Variants in SPOCK1 observed in about 807,000 individuals in gnomAD.
SPOCK1 encodes testican-1.
In SPOCK1, 23 loss-of-function variants were observed where a neutral mutation model predicts 55.3. The observed-to-expected ratio is 0.42, with a 90% CI of 0.30 to 0.59. SPOCK1 has a LOEUF of 0.59. SPOCK1 is among the 20% of genes least tolerant of loss of function. The probability of loss-of-function intolerance (pLI) is 0.22; values close to 1 mark genes in which losing one functional copy is unlikely to be tolerated. For missense variants in SPOCK1, 499 were observed against 552.5 expected, an observed-to-expected ratio of 0.90 and a Z score of 0.97; for synonymous variants, 226 against 221.0, an observed-to-expected ratio of 1.02 and a Z score of -0.20.
chr5:137,302,699 T>C (rs1410846609), intron 2 of SPOCK1, among the ~76,000 whole-genome samples: 1 of 152,158 alleles, frequency 6.6e-6, no homozygotes, highest in African/African-American at 2.4e-5. Context: ...TATATACACA[T>C]ACATATACGT....
At chr5:137,259,743 TAC>T (rs1310706773) in intron 3 of SPOCK1, among the ~76,000 whole-genome samples, 4 of 148,842 alleles carry the variant, frequency 2.7e-5, no homozygotes, top group Non-Finnish European at 6.0e-5. Context: ...CTCAAATGTA[TAC>T]AATAAGCTTA....
At chr5:137,280,547 C>T (rs1757150497) in intron 2 of SPOCK1, among the ~76,000 whole-genome samples, 1 of 152,114 alleles carries the variant, frequency 6.6e-6, no homozygotes. Context: ...ATTTTAAGGA[C>T]CTAACATGAA....
At chr5:137,044,993 A>G (rs1359063548) in intron 6 of SPOCK1, among the ~76,000 whole-genome samples, 123 of 128,270 alleles carry the variant, frequency 9.6e-4, no homozygotes, top group African/African-American at 3.4e-3. Flanking sequence ...TTATGGCTGC[A>G]TAGTATTCCA....
chr5:137,001,334 GT>G (rs1442539462), intron 6 of SPOCK1, among the ~76,000 whole-genome samples: 2 of 152,196 alleles, frequency 1.3e-5, no homozygotes, highest in African/African-American at 2.4e-5. Context: ...AGGAATCAAG[GT>G]CATGCATGTG....
At chr5:137,436,182 T>G (rs1006016450) in intron 2 of SPOCK1, among the ~76,000 whole-genome samples, 1 of 152,194 alleles carries the variant, frequency 6.6e-6, no homozygotes, top group Non-Finnish European at 1.5e-5. Flanking sequence ...ATATTAATTC[T>G]GTATGGAGAA....
At chr5:137,406,407 G>T (rs1420407037) in intron 2 of SPOCK1, among the ~76,000 whole-genome samples, 1 of 152,230 alleles carries the variant, frequency 6.6e-6, no homozygotes, top group Admixed American at 6.5e-5. Context: ...GGCAACCAAT[G>T]GGCCTGGGGG....
intron 5 of SPOCK1, among the ~76,000 whole-genome samples, chr5:137,095,088 C>T (rs1753119244): frequency 6.6e-6 from 1 of 152,158 alleles, no homozygotes; most frequent in Non-Finnish European, 1.5e-5. Flanking sequence ...GCAGTCAGAA[C>T]ACATACCAGA....
chr5:137,367,467 G>A (rs1751098319), intron 2 of SPOCK1, among the ~76,000 whole-genome samples: 1 of 152,214 alleles, frequency 6.6e-6, no homozygotes, highest in South Asian at 2.1e-4. Flanking sequence ...AGGCACCTGG[G>A]GGACACTTTC....
At position 137,267,305 on chromosome 5, in the gene SPOCK1, C is replaced by T. The variant is rs112534663; in HGVS notation, c.187-250G>A. ...ACATTTCAGCCCAGTATAGAAACAG[C>T]GCTGCTCTTCTTAGTTTGACATATA... On this transcript the variant is annotated intron_variant, in intron 2 of 10. Transcript: ENST00000394945. 1.3e-3 allele frequency among the ~76,000 whole-genome samples: 195 copies of T among 152,300 alleles called. 2 individuals carry two copies. Among genetic ancestry groups the T allele is most frequent in the African/African-American group, 4.4e-3 (182 of 41,556 alleles).
chr5:136,978,622 G>C lies in SPOCK1; in HGVS notation c.*32C>G. 6.4e-7 allele frequency: 1 copy of C among 1,560,228 alleles called. No individual in the cohort carries two copies. Among genetic ancestry groups the C allele is most frequent in the South Asian group, 1.2e-5 (1 of 80,638 alleles). Reference sequence around the variant, plus strand: ...GGAATAGGAAGTGACTTGCAATTTTGTGCAAAACTTGTGTCCTCTTTCTTG... The same window carrying C: ...GGAATAGGAAGTGACTTGCAATTTTCTGCAAAACTTGTGTCCTCTTTCTTG... On this transcript the variant is annotated 3_prime_UTR_variant, in exon 11 of 11. Transcript: ENST00000394945.
At chr5:137,464,267 A>G (rs1223127643) in intron 2 of SPOCK1, among the ~76,000 whole-genome samples, 1 of 152,100 alleles carries the variant, frequency 6.6e-6, no homozygotes, top group Non-Finnish European at 1.5e-5. Context: ...ATGCCACTGT[A>G]CTCCAGCCTT....
intron 2 of SPOCK1, among the ~76,000 whole-genome samples, chr5:137,347,340 C>G (rs555444442): frequency 1.3e-5 from 2 of 152,160 alleles, no homozygotes; most frequent in African/African-American, 2.4e-5. Context: ...ATTTCTCACG[C>G]GTCAGAGTTT....
intron 6 of SPOCK1, among the ~76,000 whole-genome samples, chr5:137,038,933 C>T (rs1432644613): frequency 2.6e-5 from 4 of 152,068 alleles, no homozygotes; most frequent in South Asian, 2.1e-4. Flanking sequence ...GAAACAAAAA[C>T]GGTTCTCTGA....
intron 3 of SPOCK1, among the ~76,000 whole-genome samples, chr5:137,193,102 G>A (rs150025867): frequency 6.6e-6 from 1 of 152,294 alleles, no homozygotes; most frequent in East Asian, 1.9e-4. Context: ...GTATCACCCT[G>A]ATGTTTGTGT....
chr5:137,343,608 C>T (rs940492327), intron 2 of SPOCK1, among the ~76,000 whole-genome samples: 2 of 152,210 alleles, frequency 1.3e-5, no homozygotes, highest in Non-Finnish European at 2.9e-5. Context: ...CCTCTCAGCC[C>T]CGTTGTATGA....
At chr5:136,994,000 C>T (rs987000288) in intron 6 of SPOCK1, among the ~76,000 whole-genome samples, 5 of 152,200 alleles carry the variant, frequency 3.3e-5, no homozygotes, top group Admixed American at 3.3e-4. Flanking sequence ...GCCCATTTCT[C>T]ACCCTAAGGC....
At chr5:137,069,282 G>T (rs1417077954) in intron 5 of SPOCK1, among the ~76,000 whole-genome samples, 1 of 152,184 alleles carries the variant, frequency 6.6e-6, no homozygotes, top group Non-Finnish European at 1.5e-5. Flanking sequence ...GCCCATTCAG[G>T]GAGAGGGCAA....
intron 2 of SPOCK1, among the ~76,000 whole-genome samples, chr5:137,464,058 G>C (rs949656656): frequency 5.3e-5 from 8 of 152,106 alleles, no homozygotes; most frequent in African/African-American, 1.9e-4. Flanking sequence ...CAGCACTTTG[G>C]GAGGCCAAGG....
intron 2 of SPOCK1, among the ~76,000 whole-genome samples, chr5:137,351,779 G>A (rs893433317): frequency 1.3e-5 from 2 of 152,126 alleles, no homozygotes; most frequent in Non-Finnish European, 2.9e-5. Context: ...AACACAAAAA[G>A]GACACATAAT....
Sources: allele counts gnomAD v4.1 joint callset (sites outside exome capture counted in the v4.1 genomes callset), GRCh38; gene constraint gnomAD v4.1.1; transcripts MANE v1.5; gene names NCBI Gene and HGNC (gene_info 2026-07-23, HGNC 2026-07-21).